The following KIAA0319L variants were observed in gnomAD, a reference collection of about 807,000 sequenced individuals.
The protein encoded by KIAA0319L is dyslexia-associated protein KIAA0319-like protein.
Under a neutral mutation model 120.1 loss-of-function variants are expected in KIAA0319L, and 55 were observed. The observed-to-expected ratio is 0.46, with a 90% confidence interval of 0.37 to 0.57. KIAA0319L has a LOEUF of 0.57. KIAA0319L is among the 20% of genes least tolerant of loss of function. KIAA0319L has a pLI of 0.00. For synonymous variants in KIAA0319L, 398 were observed against 471.9 expected, an observed-to-expected ratio of 0.84 and a Z score of 2.03; for missense variants, 1,049 against 1,255.3, an observed-to-expected ratio of 0.84 and a Z score of 2.48.
intron 3 of KIAA0319L, among the ~76,000 whole-genome samples, chr1:35,501,836 C>T (rs767598367): frequency 8.0e-5 from 12 of 150,028 alleles, no homozygotes; most frequent in Non-Finnish European, 5.9e-5. Flanking sequence ...CAAGATCGCA[C>T]CATTGCACTC....
intron 2 of KIAA0319L, among the ~76,000 whole-genome samples, chr1:35,543,633 A>C (rs1045724921): frequency 6.6e-6 from 1 of 152,250 alleles, no homozygotes; most frequent in African/African-American, 2.4e-5. Flanking sequence ...GTAAGGGCAA[A>C]CGAGGCAAGT....
intron 8 of KIAA0319L, among the ~76,000 whole-genome samples, chr1:35,461,191 G>C (rs1309098297): frequency 6.6e-6 from 1 of 152,168 alleles, no homozygotes; most frequent in Admixed American, 6.5e-5. Flanking sequence ...TCTAGGCCAG[G>C]CATGGTGGCT....
At chr1:35,491,252 T>C (rs1197203070) in intron 3 of KIAA0319L, among the ~76,000 whole-genome samples, 8 of 152,162 alleles carry the variant, frequency 5.3e-5, no homozygotes, top group Non-Finnish European at 7.4e-5. Context: ...ATAAATTCAA[T>C]TGGTCCCAAA....
At chr1:35,479,686 C>T (rs1335952150) in intron 3 of KIAA0319L, among the ~76,000 whole-genome samples, 1 of 152,044 alleles carries the variant, frequency 6.6e-6, no homozygotes, top group East Asian at 1.9e-4. Flanking sequence ...CAGGAGACCA[C>T]TTGAACCTAG....
At chr1:35,460,257 A>G (rs779925950) in intron 9 of KIAA0319L, 48 bp downstream of exon 9, 28 of 1,527,940 alleles carry the variant, frequency 1.8e-5, no homozygotes, top group Non-Finnish European at 2.5e-5. Flanking sequence ...AACCCACGAG[A>G]GGCAAAAAAA....
At chr1:35,552,038 T>C (rs1382068804) in intron 2 of KIAA0319L, among the ~76,000 whole-genome samples, 1 of 149,216 alleles carries the variant, frequency 6.7e-6, no homozygotes, top group Non-Finnish European at 1.5e-5. Context: ...ACCATGGTAC[T>C]GGGTAAAAAA....
At chr1:35,483,364 T>C (rs542293874) in intron 3 of KIAA0319L, among the ~76,000 whole-genome samples, 1 of 152,334 alleles carries the variant, frequency 6.6e-6, no homozygotes, top group Admixed American at 6.5e-5. Context: ...CCATAAGTTT[T>C]ATAGCTTTTA....
intron 2 of KIAA0319L, among the ~76,000 whole-genome samples, chr1:35,513,812 A>G (rs1386608811): frequency 6.6e-6 from 1 of 152,186 alleles, no homozygotes; most frequent in Non-Finnish European, 1.5e-5. Flanking sequence ...AATCTCTGAC[A>G]AACGTTTCCT....
chr1:35,484,492 T>C (rs924505299), intron 3 of KIAA0319L, among the ~76,000 whole-genome samples: 1 of 152,182 alleles, frequency 6.6e-6, no homozygotes, highest in Non-Finnish European at 1.5e-5. Context: ...ATTGCCCTTA[T>C]ATCCTGCAAT....
rs765264102 is a variant in KIAA0319L at position 35,444,275 on chromosome 1, C to T, written c.2542G>A (p.Glu848Lys). The change falls in exon 17 of 21, where the codon GAG (glutamate) becomes AAG (lysine). Residue 848 changes from glutamate to lysine, a missense_variant. By Grantham distance (56) the Glu-to-Lys change is moderately conservative. Coordinates refer to ENST00000325722, the MANE Select transcript of KIAA0319L (RefSeq NM_024874.5). The stretch of plus-strand genomic sequence containing the variant: ...CCTTTGAAGATCTGGTGGGGAGGCT[C>T]GTTTTGAACAAAAAATACCATTTTG... ...STKMVFFVQN[E>K]PPHQIFKGHE... The T allele has an allele frequency of 2.5e-6, 4 of 1,607,076 alleles. No individual in the cohort carries two copies. The highest frequency in any genetic ancestry group is 2.2e-5 in the East Asian group (1 of 44,506).
intron 16 of KIAA0319L, among the ~76,000 whole-genome samples, chr1:35,446,886 C>T (rs1043405781): frequency 2.6e-5 from 4 of 152,162 alleles, no homozygotes; most frequent in Admixed American, 1.3e-4. Context: ...CCAGCCTTTA[C>T]TTGTGGCTAT....
rs1485208929 is a variant in KIAA0319L, at chr1:35,434,854, C to T, written c.*40G>A. On this transcript the variant is annotated 3_prime_UTR_variant, in exon 21 of 21. Transcript: ENST00000325722. ...TCGGGAGGTAGGAGGACTGGCCGGG[C>T]AGTGTGCTGGGCCCTGCCCTGAGGA... The T allele has an allele frequency of 6.4e-7, 1 of 1,562,268 alleles. No homozygotes were observed. The highest frequency in any genetic ancestry group is 1.4e-5 in the African/African-American group (1 of 73,218).
At chr1:35,486,722 G>A (rs990829179) in intron 3 of KIAA0319L, among the ~76,000 whole-genome samples, 7 of 116,870 alleles carry the variant, frequency 6.0e-5, no homozygotes, top group Admixed American at 9.8e-5. Flanking sequence ...ACAACATAGC[G>A]AGACCCCATT....
intron 3 of KIAA0319L, among the ~76,000 whole-genome samples, chr1:35,482,666 C>T (rs958447016): frequency 5.3e-5 from 8 of 151,862 alleles, no homozygotes; most frequent in Admixed American, 1.3e-4. Flanking sequence ...AGACCTCAAG[C>T]GATCCACCCA....
In KIAA0319L at chr1:35,442,978, G is replaced by A. The variant is rs1431599372; in HGVS notation, c.2707C>T (p.Arg903Cys). 11 of 1,614,146 alleles carry A rather than the reference G, an allele frequency of 6.8e-6. 1 individual carries two copies. The South Asian group carries it at 9.9e-5, about 14-fold the overall frequency. The change falls in exon 18 of 21, where the codon CGC becomes TGC. Residue 903 changes from arginine to cysteine, a missense_variant. Arg to Cys is a radical substitution (Grantham distance 180). Transcript: ENST00000325722. ...DHGHCDSFTK[R>C]CICDPFWMEN... ...ATCCAAAAAGGGTCACAGATACAGC[G>A]TTTGGTGAACGAGTCACAGTGGCCA...
intron 3 of KIAA0319L, among the ~76,000 whole-genome samples, chr1:35,495,423 T>C (rs1289182273): frequency 6.6e-6 from 1 of 152,078 alleles, no homozygotes; most frequent in Admixed American, 6.6e-5. Context: ...GGAGAAAATC[T>C]TTCTCAGATA....
chr1:35,513,557 C>T (rs2148422077), intron 2 of KIAA0319L, among the ~76,000 whole-genome samples: 1 of 152,026 alleles, frequency 6.6e-6, no homozygotes, highest in East Asian at 1.9e-4. Context: ...ATACTGGCTG[C>T]ATTAAGCTAT....
chr1:35,524,567 A>T (rs2148451792), intron 2 of KIAA0319L, among the ~76,000 whole-genome samples: 1 of 152,302 alleles, frequency 6.6e-6, no homozygotes, highest in East Asian at 1.9e-4. Context: ...TGACTGTTTT[A>T]TTCCTAAATT....
At chr1:35,547,804 T>G (rs1344147836) in intron 2 of KIAA0319L, among the ~76,000 whole-genome samples, 1 of 152,086 alleles carries the variant, frequency 6.6e-6, no homozygotes, top group African/African-American at 2.4e-5. Flanking sequence ...GTTCTGGAAT[T>G]AGATAGTGGT....
Sources: gnomAD v4.1 joint callset for allele counts (sites outside exome capture counted in the v4.1 genomes callset) on GRCh38, gnomAD v4.1.1 for gene constraint, MANE v1.5 for transcripts, NCBI Gene and HGNC (gene_info 2026-07-23, HGNC 2026-07-21) for gene names.